The following ADGRB2 variants were observed in gnomAD, a reference collection of about 807,000 sequenced individuals.
ADGRB2 encodes the protein adhesion G protein-coupled receptor B2, also known as brain-specific angiogenesis inhibitor 2.
Under a neutral mutation model 178.7 loss-of-function variants are expected in ADGRB2, and 47 were observed. The ratio of observed to expected loss-of-function variants is 0.26; its 90% CI spans 0.21 to 0.34. The LOEUF is 0.34. Ranked by LOEUF, ADGRB2 falls within the 10% of genes least tolerant of loss-of-function variation. The pLI is 1.00. For synonymous variants in ADGRB2, 870 were observed against 912.4 expected, an observed-to-expected ratio of 0.95 and a Z score of 0.84; for missense variants, 1,584 against 2,180.8, an observed-to-expected ratio of 0.73 and a Z score of 5.45.
Position 31,759,496 on chromosome 1 carries a change from C to T in ADGRB2, c.-190-1985G>A, listed in dbSNP as rs1329011891. The T allele has an allele frequency of 4.4e-6, 3 of 689,638 alleles. No individual in the cohort carries two copies. The highest frequency in any genetic ancestry group is 8.0e-6 in the Non-Finnish European group (3 of 372,710). The allele number at this position is 689,638 out of a possible 1,614,324, so 42.7% of individuals were successfully genotyped here. A position where few individuals can be genotyped will look rare whatever the true frequency, so the allele number is the denominator to read the frequency against. ...CAAGAAGCACAAGGTCCACATCCTT[C>T]AGAGCCACAGGCTGGCTTCTCCAGA... is the stretch of plus-strand genomic sequence containing the variant. On this transcript the variant is annotated intron_variant, in intron 1 of 32. Transcript: ENST00000373658. The surrounding 1 kb of genome is among the most constrained non-coding windows in gnomAD (Gnocchi z 4.3).
In ADGRB2 at chr1:31,733,985, G is replaced by A. The variant is rs550900022; in HGVS notation, c.3453-842C>T. The stretch of plus-strand genomic sequence containing the variant: ...CAAACACCCCCAGTGGGAGAGTCAG[G>A]CACAGCTCTAGGCATGGCAGAGGGT... On this transcript the variant is annotated intron_variant, in intron 25 of 32. Coordinates refer to ENST00000373658, the MANE Select transcript of ADGRB2 (RefSeq NM_001364857.2). This position sits in a 1 kb window ranked among gnomAD's most constrained non-coding sequence, Gnocchi z 4.3. 2.6e-5 allele frequency among the ~76,000 whole-genome samples: 4 copies of A among 152,226 alleles called. No individual in the cohort carries two copies. The highest frequency in any genetic ancestry group is 4.8e-5 in the African/African-American group (2 of 41,456).
intron 4 of ADGRB2, among the ~76,000 whole-genome samples, chr1:31,746,015 G>A (rs982097498): frequency 7.2e-5 from 11 of 152,140 alleles, no homozygotes; most frequent in Admixed American, 4.6e-4. Flanking sequence ...CTCCATCTCT[G>A]AAACCTGGAC....
At chr1:31,762,948 G>A (rs1647086119) in intron 1 of ADGRB2, among the ~76,000 whole-genome samples, 1 of 152,218 alleles carries the variant, frequency 6.6e-6, no homozygotes, top group Non-Finnish European at 1.5e-5. Context: ...CACGGGCCGC[G>A]GCGCGGAGGA....
At position 31,741,874 on chromosome 1, in the gene ADGRB2, G is replaced by T; in HGVS notation, c.1511C>A (p.Ala504Asp). The T allele has an allele frequency of 1.2e-6, 2 of 1,611,500 alleles. No homozygotes were observed. Among genetic ancestry groups the T allele is most frequent in the Non-Finnish European group, 1.7e-6 (2 of 1,178,160 alleles). ...GCAGGGGTAGCCCTGCGTGCCCGTG[G>T]CCTGGCACATGCGGAAGCGGCGCTG... ...GWQRRFRMCQ[A>D]TGTQGYPCEG... Residue 504 changes from alanine (A) to aspartate (D), a missense_variant, in exon 9 of 33, where the codon GCC (alanine) becomes GAC (aspartate). Ala to Asp is a moderately radical substitution (Grantham distance 126, BLOSUM62 -2). Around this residue, in one of 3 missense-constraint regions of ADGRB2, gnomAD observed 657 missense variants for 847.6 expected, o/e 0.78. Transcript: ENST00000373658. The surrounding 1 kb of genome is among the most constrained non-coding windows in gnomAD (Gnocchi z 6.5).
chr1:31,727,277 C>T lies in ADGRB2; in HGVS notation c.*143G>A. On this transcript the variant is annotated 3_prime_UTR_variant, in exon 33 of 33. Transcript: ENST00000373658. This position sits in a 1 kb window ranked among gnomAD's most constrained non-coding sequence, Gnocchi z 4.4. Reference sequence around the variant, plus strand: ...CCCAGGCCAAGCCATGTCCGGCTCCCCCAGCCTGGCTGAGTCCACGGCGCC... The same window carrying T: ...CCCAGGCCAAGCCATGTCCGGCTCCTCCAGCCTGGCTGAGTCCACGGCGCC... The T allele has an allele frequency of 2.8e-6, 3 of 1,071,994 alleles. No individual in the cohort carries two copies. The highest frequency in any genetic ancestry group is 3.2e-5 in the East Asian group (1 of 31,094). 66.4% of individuals were successfully genotyped at this position (1,071,994 alleles called of 1,614,324 possible).
At position 31,736,016 on chromosome 1, in the gene ADGRB2, G is replaced by A. The variant is rs138300227; in HGVS notation, c.3201-123C>T. On this transcript the variant is annotated intron_variant, in intron 22 of 32. Coordinates refer to ENST00000373658, the MANE Select transcript of ADGRB2 (RefSeq NM_001364857.2). ...CACCAGTGCAGTCTGAGCCCCAGAC[G>A]GTGAGAGTGAGCCACTGGCTCCTGC... The A allele has an allele frequency of 3.0e-4, 324 of 1,090,602 alleles. No individual in the cohort carries two copies. The African/African-American group carries it at 3.7e-3, about 12-fold the overall frequency. The allele number at this position is 1,090,602 out of a possible 1,614,324, so 67.6% of individuals were successfully genotyped here.
rs142039766 is a variant in ADGRB2 at position 31,738,009 on chromosome 1, G to A, written c.2772+191C>T. ...CACACACACACAACTGGCCACTGCC[G>A]CATACCCCCAGGCAAATATCATTGC... On this transcript the variant is annotated intron_variant, in intron 18 of 32. Coordinates refer to ENST00000373658, the MANE Select transcript of ADGRB2 (RefSeq NM_001364857.2). Among the ~76,000 whole-genome samples the A allele has an allele frequency of 3.4e-3, 511 of 151,916 alleles. 4 individuals are homozygous for A. Among genetic ancestry groups the A allele is most frequent in the African/African-American group, 0.012 (480 of 41,412 alleles).
At position 31,741,360 on chromosome 1, in the gene ADGRB2, AG is replaced by A; in HGVS notation, c.1794+12del. 6.3e-7 allele frequency: 1 copy of A among 1,588,944 alleles called. No individual in the cohort carries two copies. The highest frequency in any genetic ancestry group is 1.1e-5 in the South Asian group (1 of 87,550). On this transcript the variant is annotated intron_variant, in intron 11 of 32. Coordinates refer to ENST00000373658, the MANE Select transcript of ADGRB2 (RefSeq NM_001364857.2). This position sits in a 1 kb window ranked among gnomAD's most constrained non-coding sequence, Gnocchi z 6.5. ...AGATTCTGCTGTGCCCCAGCCCAGC[AG>A]GGTGCACTCACTGACAGATACAGGT...
Position 31,761,125 on chromosome 1 carries a change from G to A in ADGRB2, c.-191+2759C>T, listed in dbSNP as rs907840163. 1 of 152,250 alleles carries A rather than the reference G, an allele frequency of 6.6e-6. No individual in the cohort carries two copies. Among genetic ancestry groups the A allele is most frequent in the Admixed American group, 6.5e-5 (1 of 15,286 alleles). The allele number at this position is 152,250 out of a possible 1,614,324, so 9.4% of individuals were successfully genotyped here. On this transcript the variant is annotated intron_variant, in intron 1 of 32. Transcript: ENST00000373658. The surrounding 1 kb of genome is among the most constrained non-coding windows in gnomAD (Gnocchi z 4.2). ...TGGAGCCGCCGTTGCTACAGGAACCGAATGCTTTTGTTCCCCAATGTCAGG... is the reference window on the plus strand; with the variant it reads ...TGGAGCCGCCGTTGCTACAGGAACCAAATGCTTTTGTTCCCCAATGTCAGG...
chr1:31,756,052 G>T lies in ADGRB2; in HGVS notation c.785C>A (p.Ala262Asp). Residue 262 changes from alanine (A) to aspartate (D), a missense_variant, in exon 4 of 33, where the codon GCC (alanine) becomes GAC (aspartate). Ala to Asp is a moderately radical substitution (Grantham distance 126). Transcript: ENST00000373658. This position sits in a 1 kb window ranked among gnomAD's most constrained non-coding sequence, Gnocchi z 8.5. ...ATTGCTGCTCCCCGAGTGCAAATCGGCCTCAGCAGGTGGGGCTGGGCCCCC... is the reference window on the plus strand; with the variant it reads ...ATTGCTGCTCCCCGAGTGCAAATCGTCCTCAGCAGGTGGGGCTGGGCCCCC... Reference protein sequence around the residue: ...VPGGPAPPAEADLHSGSSNDL... With the variant: ...VPGGPAPPAEDDLHSGSSNDL... The T allele has an allele frequency of 6.2e-7, 1 of 1,614,046 alleles. No individual in the cohort carries two copies.
chr1:31,762,307 C>T (rs543300088), intron 1 of ADGRB2, among the ~76,000 whole-genome samples: 67 of 152,142 alleles, frequency 4.4e-4, no homozygotes, highest in Non-Finnish European at 7.5e-4. Flanking sequence ...ACATATCCTG[C>T]GCAGAGTCCA....
At position 31,741,598 on chromosome 1, in the gene ADGRB2, G is replaced by T. The variant is rs757040319; in HGVS notation, c.1687+26C>A. ...CAATGAGAATGGCAGGGGTGGTGGT[G>T]GTGGGGAAAGCCACCTGCCCCTTAC... On this transcript the variant is annotated intron_variant, in intron 10 of 32. Transcript: ENST00000373658. This position sits in a 1 kb window ranked among gnomAD's most constrained non-coding sequence, Gnocchi z 6.5. 3.1e-6 allele frequency: 5 copies of T among 1,609,138 alleles called. No individual in the cohort carries two copies. In the African/African-American group the frequency reaches 6.7e-5, roughly 22 times the overall value.
chr1:31,732,774 G>C (rs917928898), intron 26 of ADGRB2, among the ~76,000 whole-genome samples, 162 bp from the exon 27 acceptor site: 1 of 152,258 alleles, frequency 6.6e-6, no homozygotes, highest in Non-Finnish European at 1.5e-5. Context: ...ACGGGAGGAG[G>C]AGACCCAGGA....
At position 31,738,792 on chromosome 1, in the gene ADGRB2, TTGA is replaced by T. The variant is rs1466338059; in HGVS notation, c.2601+37_2601+39del. ...CCAGCCAGGCCTCTGGCCACCCAGGTTGAGGTGCACCCAAGGTCTCTGCATGGA... is the reference window on the plus strand; with the variant it reads ...CCAGCCAGGCCTCTGGCCACCCAGGTGGTGCACCCAAGGTCTCTGCATGGA... On this transcript the variant is annotated intron_variant, in intron 16 of 32. Transcript: ENST00000373658. 5.0e-6 allele frequency: 8 copies of T among 1,608,206 alleles called. No homozygotes were observed. In the Admixed American group the frequency reaches 1.3e-4, roughly 27 times the overall value.
At chr1:31,731,497 G>T (rs1000351829) in intron 28 of ADGRB2, 78 bp from the exon 29 acceptor site, 1 of 1,495,634 alleles carries the variant, frequency 6.7e-7, no homozygotes, top group African/African-American at 1.4e-5. Flanking sequence ...GGCTGGGGAG[G>T]TACCAAGCTT....
At position 31,755,613 on chromosome 1, in the gene ADGRB2, T is replaced by A. The variant is rs969785138; in HGVS notation, c.838+386A>T. 2.0e-5 allele frequency among the ~76,000 whole-genome samples: 3 copies of A among 151,980 alleles called. No homozygotes were observed. The highest frequency in any genetic ancestry group is 7.2e-5 in the African/African-American group (3 of 41,392). On this transcript the variant is annotated intron_variant, in intron 4 of 32. Coordinates refer to ENST00000373658, the MANE Select transcript of ADGRB2 (RefSeq NM_001364857.2). This position sits in a 1 kb window ranked among gnomAD's most constrained non-coding sequence, Gnocchi z 5.1. The stretch of plus-strand genomic sequence containing the variant: ...GCAGCGCCAGGGCCTGCCACGATCA[T>A]TCCCAGCCTTGGGCCTTTGTGCACC...
intron 4 of ADGRB2, among the ~76,000 whole-genome samples, chr1:31,750,099 A>C (rs1004687460): frequency 6.6e-6 from 1 of 152,154 alleles, no homozygotes; most frequent in Non-Finnish European, 1.5e-5. Context: ...CCTTCCCTCT[A>C]TTGCAATCTG....
chr1:31,732,077 C>T, intron 28 of ADGRB2, 38 bp downstream of exon 28: 1 of 1,613,608 alleles, frequency 6.2e-7, no homozygotes, highest in South Asian at 1.1e-5. Context: ...TCTTCTCCAA[C>T]CCCAGGACCA....
At chr1:31,737,176 C>G (rs1179167727) in intron 20 of ADGRB2, among the ~76,000 whole-genome samples, 1 of 152,184 alleles carries the variant, frequency 6.6e-6, no homozygotes, top group African/African-American at 2.4e-5. Flanking sequence ...TGCCACCTGC[C>G]CAACACACAC....
Sources: allele counts gnomAD v4.1 joint callset (sites outside exome capture counted in the v4.1 genomes callset), GRCh38; gene constraint gnomAD v4.1.1; regional missense constraint gnomAD v4.1.1; non-coding constraint Gnocchi (gnomAD v3.1); transcripts MANE v1.5; gene names NCBI Gene and HGNC (gene_info 2026-07-23, HGNC 2026-07-21).